Variants in RFTN1 observed in about 807,000 individuals in gnomAD.
RFTN1 encodes the protein raftlin.
In RFTN1, 26 loss-of-function variants were observed where a neutral mutation model predicts 46.5. The observed-to-expected ratio is 0.56, with a 90% CI of 0.41 to 0.78. RFTN1 has a LOEUF of 0.78. Ranked by LOEUF, RFTN1 falls within the 30% of genes least tolerant of loss-of-function variation. The pLI is 0.00. For synonymous variants in RFTN1, 261 were observed against 284.2 expected, an observed-to-expected ratio of 0.92 and a Z score of 0.82; for missense variants, 693 against 718.7, an observed-to-expected ratio of 0.96 and a Z score of 0.41.
Position 16,512,610 on chromosome 3 carries a change from GCAGCGA to G in RFTN1, c.-9+826_-9+831del, listed in dbSNP as rs1437988991. On this transcript the variant is annotated intron_variant, in intron 1 of 9. Transcript: ENST00000334133. The surrounding 1 kb of genome is among the most constrained non-coding windows in gnomAD (Gnocchi z 4.3). ...CTCCACGCGGTTCTTGCTGCCAAAG[GCAGCGA>G]CACCGGAGGTGAAGGGCACCAGCCC... Among the ~76,000 whole-genome samples the G allele has an allele frequency of 2.6e-4, 40 of 152,220 alleles. No homozygotes were observed. Among genetic ancestry groups the G allele is most frequent in the African/African-American group, 9.6e-4 (40 of 41,528 alleles).
intron 3 of RFTN1, among the ~76,000 whole-genome samples, chr3:16,415,409 G>GTATATATATATATATATATATA (rs367960866): frequency 5.8e-4 from 61 of 104,442 alleles, no homozygotes; most frequent in East Asian, 2.1e-3. Flanking sequence ...AGACAGTTGA[G>GTATATATATATATATATATATA]TATATATATA....
At chr3:16,430,973 C>T (rs1188179732) in intron 3 of RFTN1, among the ~76,000 whole-genome samples, 2 of 152,354 alleles carry the variant, frequency 1.3e-5, no homozygotes, top group East Asian at 3.9e-4. Context: ...TTATAATGCA[C>T]TATTCCCCAA....
At position 16,442,006 on chromosome 3, in the gene RFTN1, C is replaced by T. The variant is rs1182340772; in HGVS notation, c.146-7969G>A. 6.6e-6 allele frequency among the ~76,000 whole-genome samples: 1 copy of T among 151,998 alleles called. No homozygotes were observed. The highest frequency in any genetic ancestry group is 1.5e-5 in the Non-Finnish European group (1 of 68,010). Reference sequence around the variant, plus strand: ...AAATAATGTTTGCAGAAGACAAAGCCCATGTCTTCTGTATGTGCCATTTCT... The same window carrying T: ...AAATAATGTTTGCAGAAGACAAAGCTCATGTCTTCTGTATGTGCCATTTCT... On this transcript the variant is annotated intron_variant, in intron 2 of 9. Coordinates refer to ENST00000334133, the MANE Select transcript of RFTN1 (RefSeq NM_015150.2). The surrounding 1 kb of genome is among the most constrained non-coding windows in gnomAD (Gnocchi z 4.1).
Position 16,345,825 on chromosome 3 carries a change from C to CGCGCGT in RFTN1, c.1146+12106_1146+12107insACGCGC, listed in dbSNP as rs2071658046. On this transcript the variant is annotated intron_variant, in intron 7 of 9. Coordinates refer to ENST00000334133, the MANE Select transcript of RFTN1 (RefSeq NM_015150.2). The surrounding 1 kb of genome is among the most constrained non-coding windows in gnomAD (Gnocchi z 5.2). ...GTGTGTGTGTGTGTGTGTGCGCGCG[C>CGCGCGT]GCGTGCGCGCACGCGCACATGTGCA... Among the ~76,000 whole-genome samples, 1 of 88,140 alleles carries CGCGCGT rather than the reference C, an allele frequency of 1.1e-5. No individual in the cohort carries two copies. The allele number at this position is 88,140 out of a possible 152,430, so 57.8% of individuals were successfully genotyped here.
At position 16,374,088 on chromosome 3, in the gene RFTN1, G is replaced by GTTTA. The variant is rs2073642819; in HGVS notation, c.826+3629_826+3630insTAAA. ...CCTGCAAGCATGACAGCAGCCACAGGCATGTGTCCCATATTTACAAGGGCC... is the reference window on the plus strand; with the variant it reads ...CCTGCAAGCATGACAGCAGCCACAGGTTTACATGTGTCCCATATTTACAAGGGCC... On this transcript the variant is annotated intron_variant, in intron 5 of 9. Coordinates refer to ENST00000334133, the MANE Select transcript of RFTN1 (RefSeq NM_015150.2). The surrounding 1 kb of genome is among the most constrained non-coding windows in gnomAD (Gnocchi z 5.4). 6.6e-6 allele frequency among the ~76,000 whole-genome samples: 1 copy of GTTTA among 152,168 alleles called. No individual in the cohort carries two copies. Among genetic ancestry groups the GTTTA allele is most frequent in the Admixed American group, 6.5e-5 (1 of 15,274 alleles).
At chr3:16,494,205 C>T (rs984971872) in intron 1 of RFTN1, among the ~76,000 whole-genome samples, 1 of 152,074 alleles carries the variant, frequency 6.6e-6, no homozygotes, top group East Asian at 1.9e-4. Flanking sequence ...AATCTGTATC[C>T]ATGAATAAAA....
rs555203581 is a variant in RFTN1 at position 16,448,827 on chromosome 3, T to C, written c.146-14790A>G. On this transcript the variant is annotated intron_variant, in intron 2 of 9. Transcript: ENST00000334133. The surrounding 1 kb of genome is among the most constrained non-coding windows in gnomAD (Gnocchi z 4.1). Reference sequence around the variant, plus strand: ...GATTACAGGCTGCGACTCACTGCTCTAGCAAAACTAGAAATAACTGCTGGA... The same window carrying C: ...GATTACAGGCTGCGACTCACTGCTCCAGCAAAACTAGAAATAACTGCTGGA... 6.6e-6 allele frequency among the ~76,000 whole-genome samples: 1 copy of C among 152,296 alleles called. No homozygotes were observed. Among genetic ancestry groups the C allele is most frequent in the African/African-American group, 2.4e-5 (1 of 41,562 alleles).
chr3:16,378,847 G>A (rs1231033370), intron 4 of RFTN1, among the ~76,000 whole-genome samples: 6 of 152,144 alleles, frequency 3.9e-5, no homozygotes, highest in African/African-American at 7.2e-5. Context: ...CTGTACCAAC[G>A]GGATGGGGGA....
intron 9 of RFTN1, among the ~76,000 whole-genome samples, chr3:16,319,713 C>T (rs181571924): frequency 2.8e-4 from 42 of 152,256 alleles, no homozygotes; most frequent in African/African-American, 8.9e-4. Flanking sequence ...TAATACAAAA[C>T]GAGAACACAA....
chr3:16,428,436 T>C lies in RFTN1; in HGVS notation c.332+5415A>G, dbSNP rs1460688226. ...AGATGCCACAGTATTACATTTTATA[T>C]GCACTTCAAAAGATTTTCAAGGGTA... On this transcript the variant is annotated intron_variant, in intron 3 of 9. Transcript: ENST00000334133. This position sits in a 1 kb window ranked among gnomAD's most constrained non-coding sequence, Gnocchi z 4.7. 1.3e-5 allele frequency among the ~76,000 whole-genome samples: 2 copies of C among 152,368 alleles called. No homozygotes were observed. The highest frequency in any genetic ancestry group is 1.9e-4 in the East Asian group (1 of 5,190).
Position 16,356,659 on chromosome 3 carries a change from A to G in RFTN1, c.1146+1273T>C, listed in dbSNP as rs1266861498. Among the ~76,000 whole-genome samples the G allele has an allele frequency of 2.0e-5, 3 of 152,240 alleles. No homozygotes were observed. The highest frequency in any genetic ancestry group is 7.2e-5 in the African/African-American group (3 of 41,470). On this transcript the variant is annotated intron_variant, in intron 7 of 9. Coordinates refer to ENST00000334133, the MANE Select transcript of RFTN1 (RefSeq NM_015150.2). This position sits in a 1 kb window ranked among gnomAD's most constrained non-coding sequence, Gnocchi z 4.9. ...CAAGGCTGCAGTTCTGGCAGGCACAAGGGTGTGGCAAGCACTGGCTGTCTA... is the reference window on the plus strand; with the variant it reads ...CAAGGCTGCAGTTCTGGCAGGCACAGGGGTGTGGCAAGCACTGGCTGTCTA...
chr3:16,424,503 A>G lies in RFTN1; in HGVS notation c.332+9348T>C, dbSNP rs17042259. On this transcript the variant is annotated intron_variant, in intron 3 of 9. Coordinates refer to ENST00000334133, the MANE Select transcript of RFTN1 (RefSeq NM_015150.2). The surrounding 1 kb of genome is among the most constrained non-coding windows in gnomAD (Gnocchi z 4.7). ...TATAATACCGAAAACATACAGGAAC[A>G]AAGCAAAGTGCTCTCAGACTCTCAG... 0.079 allele frequency among the ~76,000 whole-genome samples: 12,069 copies of G among 152,262 alleles called. 1,151 individuals carry two copies. The highest frequency in any genetic ancestry group is 0.23 in the African/African-American group (9,544 of 41,506).
At chr3:16,391,983 T>C (rs13081740) in intron 4 of RFTN1, among the ~76,000 whole-genome samples, 24,318 of 150,470 alleles carry the variant, frequency 0.16, 2,216 homozygotes, top group East Asian at 0.3. Context: ...GTAGGTTTCT[T>C]TAACTGGAAT....
intron 4 of RFTN1, among the ~76,000 whole-genome samples, chr3:16,390,133 T>C (rs533056739): frequency 2.0e-5 from 3 of 152,330 alleles, no homozygotes; most frequent in African/African-American, 7.2e-5. Context: ...AGTTGCAGAT[T>C]TGTGAGCAAA....
chr3:16,388,684 AAAG>A (rs377008545), intron 4 of RFTN1, among the ~76,000 whole-genome samples: 24 of 152,342 alleles, frequency 1.6e-4, no homozygotes, highest in African/African-American at 5.8e-4. Context: ...AGGAAAAAGA[AAAG>A]AAGTAGCAAT....
At chr3:16,339,126 G>C (rs1575049983) in intron 7 of RFTN1, among the ~76,000 whole-genome samples, 1 of 152,186 alleles carries the variant, frequency 6.6e-6, no homozygotes, top group African/African-American at 2.4e-5. Flanking sequence ...AAGGGATTGG[G>C]TAAGACATGG....
rs1244117076 is a variant in RFTN1, at chr3:16,427,593, T to G, written c.332+6258A>C. 6.6e-6 allele frequency among the ~76,000 whole-genome samples: 1 copy of G among 152,158 alleles called. No homozygotes were observed. Among genetic ancestry groups the G allele is most frequent in the Non-Finnish European group, 1.5e-5 (1 of 68,028 alleles). On this transcript the variant is annotated intron_variant, in intron 3 of 9. Coordinates refer to ENST00000334133, the MANE Select transcript of RFTN1 (RefSeq NM_015150.2). The surrounding 1 kb of genome is among the most constrained non-coding windows in gnomAD (Gnocchi z 5.4). ...AAACATTTCACAGACTCCAAGCATA[T>G]GGTCAATTTGGGATGAAGCAGCTCA...
intron 7 of RFTN1, among the ~76,000 whole-genome samples, chr3:16,350,854 G>A (rs2072050332): frequency 6.6e-6 from 1 of 152,170 alleles, no homozygotes; most frequent in South Asian, 2.1e-4. Flanking sequence ...TGGAGAAACT[G>A]TGGCAATAGA....
chr3:16,493,582 A>C (rs977500721), intron 2 of RFTN1, 143 bp downstream of exon 2: 2 of 771,570 alleles, frequency 2.6e-6, no homozygotes, highest in Non-Finnish European at 4.1e-6. Flanking sequence ...GGATCTCTGT[A>C]AGCCGCCCCC....
Sources: gnomAD v4.1 joint callset for allele counts (sites outside exome capture counted in the v4.1 genomes callset) on GRCh38, gnomAD v4.1.1 for gene constraint, Gnocchi (gnomAD v3.1) non-coding constraint, MANE v1.5 for transcripts, NCBI Gene and HGNC (gene_info 2026-07-23, HGNC 2026-07-21) for gene names.